ASH1L: variants seen among roughly 807,000 people sequenced by gnomAD.
ASH1L encodes the protein histone-lysine N-methyltransferase ASH1L.
Under a neutral mutation model 269.0 loss-of-function variants are expected in ASH1L, and 23 were observed. The observed-to-expected ratio is 0.09, with a 90% CI of 0.06 to 0.12. ASH1L has a LOEUF of 0.12. Among genes scored for constraint, ASH1L ranks in the 10% least tolerant of loss-of-function variants. The pLI is 1.00. For synonymous variants in ASH1L, 1,187 were observed against 1,253.5 expected, an observed-to-expected ratio of 0.95 and a Z score of 1.12; for missense variants, 2,912 against 3,567.8, an observed-to-expected ratio of 0.82 and a Z score of 4.68.
chr1:155,433,740 T>C (rs1292626289), intron 5 of ASH1L: 1 of 1,603,348 alleles, frequency 6.2e-7, no homozygotes, highest in African/African-American at 1.3e-5. Context: ...ATCTGCCGCT[T>C]TGAGGGTCTG....
intron 1 of ASH1L, among the ~76,000 whole-genome samples, chr1:155,528,308 G>A (rs1669415376): frequency 6.6e-6 from 1 of 151,946 alleles, no homozygotes; most frequent in African/African-American, 2.4e-5. Context: ...AACCCCTCAT[G>A]TCCATTTGGT....
rs776311879 is a variant in ASH1L at position 155,341,895 on chromosome 1, A to G, written c.8460+41T>C. 4.4e-6 allele frequency: 7 copies of G among 1,589,330 alleles called. No homozygotes were observed. The South Asian group carries it at 7.7e-5, about 18-fold the overall frequency. On this transcript the variant is annotated intron_variant, in intron 25 of 27. Transcript: ENST00000392403. ...TCAGTGAATTTCATGCATGAACCAG[A>G]TTGTCCTAACATGTAGTGTTAAGAA...
intron 6 of ASH1L, among the ~76,000 whole-genome samples, chr1:155,401,116 G>A (rs7542252): frequency 1.9e-3 from 282 of 151,746 alleles, no homozygotes; most frequent in African/African-American, 6.6e-3. Context: ...AGCTGAGATC[G>A]TGCCACTGCA....
chr1:155,379,553 GTTTTT>G (rs1656757652), intron 8 of ASH1L, among the ~76,000 whole-genome samples: 1 of 152,122 alleles, frequency 6.6e-6, no homozygotes, highest in Admixed American at 6.6e-5. Flanking sequence ...GCATCTTCCT[GTTTTT>G]AGTTACCAAT....
intron 5 of ASH1L, among the ~76,000 whole-genome samples, chr1:155,419,897 C>T (rs10908465): frequency 0.26 from 39,645 of 152,086 alleles, 5,939 homozygotes; most frequent in East Asian, 0.72. Context: ...AAAGACTCTA[C>T]AAAAGAGAAA....
intron 6 of ASH1L, among the ~76,000 whole-genome samples, chr1:155,414,026 A>AT (rs1571146655): frequency 6.6e-6 from 1 of 152,208 alleles, no homozygotes; most frequent in African/African-American, 2.4e-5. Context: ...AATCTTTTAA[A>AT]TGCAAAATAA....
At chr1:155,504,068 T>C (rs1667667513) in intron 2 of ASH1L, among the ~76,000 whole-genome samples, 2 of 152,186 alleles carry the variant, frequency 1.3e-5, no homozygotes, top group South Asian at 4.1e-4. Flanking sequence ...ATGACATTCA[T>C]TTGTAAAGAA....
intron 1 of ASH1L, among the ~76,000 whole-genome samples, chr1:155,553,068 A>G (rs924197760): frequency 1.3e-5 from 2 of 152,214 alleles, no homozygotes; most frequent in African/African-American, 4.8e-5. Context: ...ACAGTCAATA[A>G]GTTAGCAAAA....
intron 6 of ASH1L, among the ~76,000 whole-genome samples, chr1:155,396,734 C>T (rs1485953293): frequency 5.9e-5 from 9 of 151,318 alleles, no homozygotes; most frequent in Non-Finnish European, 1.3e-4. Context: ...AAGGCCGAGG[C>T]GGGTGGGTTA....
rs1317440311 is a variant in ASH1L, at chr1:155,482,235, C to T, written c.635G>A (p.Gly212Glu). The change falls in exon 3 of 28, where the codon GGA (glycine) becomes GAA (glutamate). Residue 212 changes from glycine (G) to glutamate (E), a missense_variant. By Grantham distance (98) the Gly-to-Glu change is moderately conservative. This residue lies in a region of ASH1L where 277 missense variants were observed against 367.7 expected (regional missense o/e 0.75). Transcript: ENST00000392403. ...PDLKDRALLN[G>E]GTSVTEKLAQ... is the part of the protein sequence containing the mutation. ...CAACTTTTCTGTTACACTAGTTCCT[C>T]CATTAAGTAATGCTCTGTCCTTTAA... 1 of 1,614,170 alleles carries T rather than the reference C, an allele frequency of 6.2e-7. No individual in the cohort carries two copies. The highest frequency in any genetic ancestry group is 8.5e-7 in the Non-Finnish European group (1 of 1,180,012).
At chr1:155,498,802 T>A (rs956278738) in intron 2 of ASH1L, among the ~76,000 whole-genome samples, 2 of 151,894 alleles carry the variant, frequency 1.3e-5, no homozygotes, top group African/African-American at 4.8e-5. Flanking sequence ...CCCAGGCTGG[T>A]CTTGAACTCC....
chr1:155,486,381 T>C (rs1052331395), intron 2 of ASH1L, among the ~76,000 whole-genome samples: 3 of 151,416 alleles, frequency 2.0e-5, no homozygotes, highest in African/African-American at 4.9e-5. Context: ...CTTCACATTA[T>C]ATTAAAGAAT....
At chr1:155,440,678 CT>C (rs1662480831) in intron 4 of ASH1L, 1 of 181,468 alleles carries the variant, frequency 5.5e-6, no homozygotes, top group African/African-American at 2.4e-5. Flanking sequence ...CTAGCCTGAG[CT>C]TTTTTCCTGT....
rs910259644 is a variant in ASH1L at position 155,372,912 on chromosome 1, T to G, written c.6333-1929A>C. Among the ~76,000 whole-genome samples, 66 of 152,044 alleles carry G rather than the reference T, an allele frequency of 4.3e-4. 1 individual carries two copies. The highest frequency in any genetic ancestry group is 1.5e-5 in the Non-Finnish European group (1 of 68,006). On this transcript the variant is annotated intron_variant, in intron 10 of 27. Transcript: ENST00000392403. ...AGCTGAACCCATAGTAGTTAGGGAA[T>G]TAACAAGTTAAAAATTCTAGATGGG...
At chr1:155,372,696 G>A (rs1656075255) in intron 10 of ASH1L, among the ~76,000 whole-genome samples, 1 of 151,266 alleles carries the variant, frequency 6.6e-6, no homozygotes, top group African/African-American at 2.4e-5. Context: ...CTGTAGCCTC[G>A]AACTCCTTGG....
chr1:155,357,448 AT>A (rs1558027832), intron 14 of ASH1L, 38 bp from the exon 15 acceptor site: 8 of 1,597,566 alleles, frequency 5.0e-6, no homozygotes, highest in East Asian at 2.2e-5. Context: ...ATTTAAAAAA[AT>A]ATCAGTCAGA....
chr1:155,388,809 T>A (rs1287372763), intron 7 of ASH1L, among the ~76,000 whole-genome samples: 1 of 150,306 alleles, frequency 6.7e-6, no homozygotes, highest in African/African-American at 2.5e-5. Context: ...AGCCTCGATC[T>A]CCTGGGCTCA....
chr1:155,411,584 TAA>T lies in ASH1L; in HGVS notation c.6008+4158_6008+4159del, dbSNP rs1491142941. Among the ~76,000 whole-genome samples the T allele has an allele frequency of 6.7e-3, 207 of 30,706 alleles. 7 individuals are homozygous for T. The highest frequency in any genetic ancestry group is 0.012 in the African/African-American group (125 of 10,362). The allele number at this position is 30,706 out of a possible 152,430, so 20.1% of individuals were successfully genotyped here. A position where few individuals can be genotyped will look rare whatever the true frequency, so the allele number is the denominator to read the frequency against. On this transcript the variant is annotated intron_variant, in intron 6 of 27. Transcript: ENST00000392403. ...ATAAATATGAATATAAATAAATAAA[TAA>T]ATATATATATATATATATATATATA...
At position 155,347,840 on chromosome 1, in the gene ASH1L, T is replaced by C; in HGVS notation, c.7619A>G (p.Asn2540Ser). 1.2e-6 allele frequency: 2 copies of C among 1,614,228 alleles called. No homozygotes were observed. The highest frequency in any genetic ancestry group is 1.1e-5 in the South Asian group (1 of 91,086). The change falls in exon 20 of 28, where the codon AAT (asparagine) becomes AGT (serine). Residue 2540 changes from asparagine (N) to serine (S), a missense_variant. Asn to Ser is a conservative substitution (Grantham distance 46). Coordinates refer to ENST00000392403, the MANE Select transcript of ASH1L (RefSeq NM_018489.3). ...CTGGGCTGATGCCTCATGCCGGGCA[T>C]TGTAATAGGCCTTTCGTAGACGACA... ...DVCRLRKAYY[N>S]ARHEASAQID...
Sources: allele counts gnomAD v4.1 joint callset (sites outside exome capture counted in the v4.1 genomes callset), GRCh38; gene constraint gnomAD v4.1.1; regional missense constraint gnomAD v4.1.1; transcripts MANE v1.5; gene names NCBI Gene and HGNC (gene_info 2026-07-23, HGNC 2026-07-21).